Variants in XRN1 observed in about 807,000 individuals in gnomAD.
The protein encoded by XRN1 is 5'-3' exoribonuclease 1.
XRN1 carries 67 observed loss-of-function variants against 222.3 expected under a neutral mutation model. The observed-to-expected ratio is 0.30, with a 90% confidence interval of 0.25 to 0.37. The LOEUF is 0.37. Ranked by LOEUF, XRN1 falls within the 10% of genes least tolerant of loss-of-function variation. XRN1 has a pLI of 1.00. For missense variants in XRN1, 1,707 were observed against 2,000.2 expected (o/e 0.85, Z 2.80); for synonymous variants, 643 against 652.4 (o/e 0.99, Z 0.22).
At chr3:142,389,806 C>T (rs2067649250) in intron 20 of XRN1, among the ~76,000 whole-genome samples, 2 of 152,232 alleles carry the variant, frequency 1.3e-5, no homozygotes, top group African/African-American at 4.8e-5. Context: ...AGGCATGTGC[C>T]ACTGTGCCCG....
intron 25 of XRN1, among the ~76,000 whole-genome samples, chr3:142,373,437 G>T (rs2067046370): frequency 6.6e-6 from 1 of 151,836 alleles, no homozygotes; most frequent in African/African-American, 2.4e-5. Context: ...AATTATCAAA[G>T]AAATAATACA....
intron 1 of XRN1, chr3:142,435,528 G>C (rs949415575): frequency 6.6e-6 from 1 of 151,714 alleles, no homozygotes; most frequent in Non-Finnish European, 1.5e-5. Flanking sequence ...TGGGGGCCAA[G>C]GTAGGTGGAT....
intron 19 of XRN1, 30 bp downstream of exon 19, chr3:142,400,414 T>C (rs756531082): frequency 3.2e-6 from 5 of 1,541,500 alleles, no homozygotes; most frequent in Non-Finnish European, 4.4e-6. Flanking sequence ...AAATATATGT[T>C]AGAAAAATTA....
chr3:142,377,794 G>A (rs1308566437), intron 23 of XRN1, among the ~76,000 whole-genome samples: 1 of 152,102 alleles, frequency 6.6e-6, no homozygotes, highest in East Asian at 1.9e-4. Flanking sequence ...TCATACAACA[G>A]GACAGGCTCT....
At chr3:142,389,551 G>C (rs183443293) in intron 20 of XRN1, among the ~76,000 whole-genome samples, 2 of 152,106 alleles carry the variant, frequency 1.3e-5, no homozygotes, top group African/African-American at 2.4e-5. Context: ...TCAGAGTCTC[G>C]CTCTGTTGCC....
chr3:142,418,533 C>T lies in XRN1; in HGVS notation c.1317G>A (p.Met439Ile), dbSNP rs762690382. The T allele has an allele frequency of 5.6e-5, 91 of 1,611,482 alleles. 3 individuals are homozygous for T. Among genetic ancestry groups the T allele is most frequent in the Admixed American group, 5.0e-5 (3 of 59,574 alleles). ...EFRQYKRTYY[M>I]TKMGVDVVSD... ...ATACTACGTCAACCCCCATCTTCGT[C>T]ATGTAATATGTTCTTTTATATTGTC... Residue 439 changes from methionine (M) to isoleucine (I), a missense_variant, in exon 12 of 41, where the codon ATG (methionine) becomes ATA (isoleucine). Around this residue, in one of 2 missense-constraint regions of XRN1, gnomAD observed 1,234 missense variants for 1,518.2 expected, o/e 0.81. Coordinates refer to ENST00000392981, the MANE Select transcript of XRN1 (RefSeq NM_001282857.2).
At chr3:142,432,146 TA>T (rs1457810389) in intron 2 of XRN1, among the ~76,000 whole-genome samples, 1 of 126,782 alleles carries the variant, frequency 7.9e-6, no homozygotes, top group Non-Finnish European at 1.6e-5. Context: ...ATAAAATATA[TA>T]ATATATAATT....
chr3:142,357,700 T>C (rs1423734520), intron 30 of XRN1, among the ~76,000 whole-genome samples: 1 of 151,422 alleles, frequency 6.6e-6, no homozygotes, highest in African/African-American at 2.4e-5. Context: ...AGTGTTGGGA[T>C]TACAGGCATG....
intron 10 of XRN1, 29 bp from the exon 11 acceptor site, chr3:142,418,910 A>T: frequency 6.3e-7 from 1 of 1,594,952 alleles, no homozygotes; most frequent in East Asian, 2.2e-5. Flanking sequence ...CATAAAATGA[A>T]TGGCAAGATA....
intron 40 of XRN1, among the ~76,000 whole-genome samples, chr3:142,312,272 C>T (rs2065097959): frequency 6.6e-6 from 1 of 151,764 alleles, no homozygotes; most frequent in South Asian, 2.1e-4. Flanking sequence ...AGAGTGAGAT[C>T]CTTCTCCAAA....
At position 142,359,758 on chromosome 3, in the gene XRN1, T is replaced by C. The variant is rs1577287829; in HGVS notation, c.3464+104A>G. The C allele has an allele frequency of 8.5e-6, 7 of 826,974 alleles. No individual in the cohort carries two copies. The East Asian group carries it at 1.9e-4, about 23-fold the overall frequency. 51.2% of individuals were successfully genotyped at this position (826,974 alleles called of 1,614,324 possible). A position where few individuals can be genotyped will look rare whatever the true frequency, so the allele number is the denominator to read the frequency against. ...TACATCCCTAGTAGCAAGTACGTCT[T>C]ACACATCCCACAAACTGAAATTGTA... On this transcript the variant is annotated intron_variant, in intron 30 of 40. Transcript: ENST00000392981.
chr3:142,404,073 TAAGAGTCATCCTTGCTTTTAAAG>T (rs1482755509), intron 16 of XRN1, 84 bp from the exon 17 acceptor site: 2 of 1,181,896 alleles, frequency 1.7e-6, no homozygotes, highest in African/African-American at 3.1e-5. Flanking sequence ...GTATATTTCG[TAAGAGTCATCCTTGCTTTTAAAG>T]AAGAGAATGA....
intron 1 of XRN1, among the ~76,000 whole-genome samples, chr3:142,441,045 T>C (rs1249280901): frequency 6.6e-6 from 1 of 152,156 alleles, no homozygotes; most frequent in East Asian, 1.9e-4. Flanking sequence ...ACCCAAGCGC[T>C]CTTAAATTTC....
intron 39 of XRN1, among the ~76,000 whole-genome samples, chr3:142,318,104 G>C (rs529447811): frequency 1.3e-5 from 2 of 152,116 alleles, no homozygotes; most frequent in East Asian, 3.9e-4. Flanking sequence ...ATGCAGAAAA[G>C]GGATTTTCTA....
intron 1 of XRN1, among the ~76,000 whole-genome samples, chr3:142,443,276 T>A (rs1452553781): frequency 1.4e-4 from 21 of 152,240 alleles, no homozygotes; most frequent in Non-Finnish European, 1.5e-5. Flanking sequence ...GTTAGAGCAG[T>A]CATCGGCCAA....
intron 18 of XRN1, among the ~76,000 whole-genome samples, chr3:142,402,744 T>C (rs564358139): frequency 2.0e-5 from 3 of 152,226 alleles, no homozygotes; most frequent in South Asian, 4.1e-4. Flanking sequence ...TATCATTTCA[T>C]CCCCCTAAAC....
At chr3:142,438,443 A>G (rs2070026378) in intron 1 of XRN1, among the ~76,000 whole-genome samples, 4 of 152,196 alleles carry the variant, frequency 2.6e-5, no homozygotes, top group Admixed American at 2.6e-4. Context: ...TCCGATAAGC[A>G]GAGGTCCATG....
At position 142,404,151 on chromosome 3, in the gene XRN1, T is replaced by C. The variant is rs112843453; in HGVS notation, c.1884-162A>G. 5.1e-3 allele frequency among the ~76,000 whole-genome samples: 783 copies of C among 152,246 alleles called. 9 individuals carry two copies. Among genetic ancestry groups the C allele is most frequent in the African/African-American group, 0.018 (761 of 41,564 alleles). On this transcript the variant is annotated intron_variant, in intron 16 of 40. Transcript: ENST00000392981. ...AAAACACAAGCAGATAACCAGCCTC[T>C]CTATTGTTACTGGTCTAGACACAAT...
At chr3:142,399,358 A>C (rs912163434) in intron 19 of XRN1, among the ~76,000 whole-genome samples, 7 of 152,158 alleles carry the variant, frequency 4.6e-5, no homozygotes, top group Non-Finnish European at 8.8e-5. Context: ...CAGTCTTTTC[A>C]ACAAATGATG....
Sources: gnomAD v4.1 joint callset for allele counts (sites outside exome capture counted in the v4.1 genomes callset) on GRCh38, gnomAD v4.1.1 for gene constraint, gnomAD v4.1.1 regional missense constraint, MANE v1.5 for transcripts, NCBI Gene and HGNC (gene_info 2026-07-23, HGNC 2026-07-21) for gene names.